Variants in RNPEP observed in about 807,000 individuals in gnomAD.
RNPEP encodes the protein arginyl aminopeptidase.
In RNPEP, 57 loss-of-function variants were observed where a neutral mutation model predicts 70.1. That is an observed-to-expected ratio of 0.81 (90% CI 0.66 to 1.01). The LOEUF is 1.01. Among genes scored for constraint, RNPEP ranks in the 50% least tolerant of loss-of-function variants. The pLI is 0.00. For synonymous variants in RNPEP, 335 were observed against 357.4 expected (o/e 0.94, Z 0.71); for missense variants, 787 against 852.4 (o/e 0.92, Z 0.96).
At chr1:201,999,626 C>T (rs574727777) in intron 5 of RNPEP, among the ~76,000 whole-genome samples, 6 of 152,206 alleles carry the variant, frequency 3.9e-5, no homozygotes, top group African/African-American at 7.2e-5. Context: ...CAGAAAGGTG[C>T]GATTCCCCCA....
At position 201,982,723 on chromosome 1, in the gene RNPEP, C is replaced by A. The variant is rs1280209606; in HGVS notation, c.57C>A (p.Ser19=). 1.4e-6 allele frequency: 2 copies of A among 1,403,058 alleles called. No individual in the cohort carries two copies. Among genetic ancestry groups the A allele is most frequent in the Non-Finnish European group, 1.9e-6 (2 of 1,074,384 alleles). 86.9% of individuals were successfully genotyped at this position (1,403,058 alleles called of 1,614,324 possible). A position where few individuals can be genotyped will look rare whatever the true frequency, so the allele number is the denominator to read the frequency against. ...GSGAARRPLH[S]AQAVDVASAS... is the part of the protein sequence containing the mutation. ...GCGCGGCCCGGCGGCCGCTGCACTC[C>A]GCGCAGGCTGTGGACGTGGCCTCGG... The change falls in exon 1 of 11, where the codon TCC becomes TCA. Residue 19 remains serine, a synonymous_variant. Coordinates refer to ENST00000295640, the MANE Select transcript of RNPEP (RefSeq NM_020216.4).
chr1:201,984,821 CTTTTTTTTTTTTTTTTTTTTT>C (rs200795347), intron 1 of RNPEP, among the ~76,000 whole-genome samples: 5 of 121,998 alleles, frequency 4.1e-5, no homozygotes, highest in African/African-American at 6.5e-5. Context: ...GTATTTCTTT[CTTTTTTTTTTTTTTTTTTTTT>C]TTTTTTTTTT....
At chr1:201,983,917 C>T in intron 1 of RNPEP, 2 of 938,514 alleles carry the variant, frequency 2.1e-6, no homozygotes, top group Non-Finnish European at 2.5e-6. Flanking sequence ...TAGTAAACTG[C>T]TTGCTTACAG....
At chr1:201,983,339 C>T (rs370752271) in intron 1 of RNPEP, 4 of 1,470,026 alleles carry the variant, frequency 2.7e-6, no homozygotes, top group African/African-American at 1.4e-5. Flanking sequence ...AGCCACTGGG[C>T]GGTGCATCCT....
At chr1:201,997,840 T>C (rs1028641841) in intron 5 of RNPEP, among the ~76,000 whole-genome samples, 2 of 151,328 alleles carry the variant, frequency 1.3e-5, no homozygotes, top group Non-Finnish European at 2.9e-5. Context: ...CTCGGCTCAC[T>C]GCAACCTCCA....
intron 6 of RNPEP, chr1:202,000,225 G>A (rs559681874): frequency 4.8e-5 from 23 of 483,428 alleles, no homozygotes; most frequent in African/African-American, 2.7e-4. Flanking sequence ...CAGTCTGTGC[G>A]GTTCGTGATG....
chr1:202,001,256 C>A, intron 6 of RNPEP, 120 bp from the exon 7 acceptor site: 1 of 702,408 alleles, frequency 1.4e-6, no homozygotes, highest in Non-Finnish European at 2.5e-6. Context: ...GCCTTGCTGT[C>A]CCTGGGGAAG....
Position 201,988,472 on chromosome 1 carries a change from A to C in RNPEP, c.448-432A>C, listed in dbSNP as rs796122287. On this transcript the variant is annotated intron_variant, in intron 1 of 10. Coordinates refer to ENST00000295640, the MANE Select transcript of RNPEP (RefSeq NM_020216.4). ...TACTCTGTCTCAAAAAAAAAAAAAA[A>C]AAAAAAAAAAACATATTAATCACTG... 5.2e-4 allele frequency among the ~76,000 whole-genome samples: 75 copies of C among 144,298 alleles called. 3 individuals are homozygous for C. The highest frequency in any genetic ancestry group is 1.5e-3 in the South Asian group (7 of 4,620). The allele number at this position is 144,298 out of a possible 152,430, so 94.7% of individuals were successfully genotyped here.
Position 201,989,383 on chromosome 1 carries a change from G to T in RNPEP, c.589G>T (p.Val197Phe). The T allele has an allele frequency of 1.2e-6, 2 of 1,613,924 alleles. No individual in the cohort carries two copies. Among genetic ancestry groups the T allele is most frequent in the Non-Finnish European group, 1.7e-6 (2 of 1,179,972 alleles). ...TCTCCTAAGCTTTCTCTGTTGTCAG[G>T]TCCCAGATGGCTTCACAGCTGTGAT... ...VKYKYSALIE[V>F]PDGFTAVMSA... The change falls in exon 3 of 11, where the codon GTC (valine) becomes TTC (phenylalanine). Residue 197 changes from valine (V) to phenylalanine (F), a missense_variant and splice_region_variant. Physicochemically the swap from Val to Phe is conservative, Grantham distance 50 (BLOSUM62 -1). Transcript: ENST00000295640.
At chr1:202,002,815 A>G (rs1683882780) in intron 8 of RNPEP, among the ~76,000 whole-genome samples, 1 of 152,148 alleles carries the variant, frequency 6.6e-6, no homozygotes, top group African/African-American at 2.4e-5. Flanking sequence ...CCCCCACTTT[A>G]TAGATAAAAC....
chr1:201,999,088 G>A (rs1683684665), intron 5 of RNPEP, among the ~76,000 whole-genome samples: 1 of 152,084 alleles, frequency 6.6e-6, no homozygotes, highest in Admixed American at 6.6e-5. Flanking sequence ...ATCATGGTGT[G>A]TGCCTGTAGT....
chr1:201,982,931 A>ACGGCGGCGGCG lies in RNPEP; in HGVS notation c.267_277dup (p.Leu93ArgfsTer20). 6.7e-7 allele frequency: 1 copy of ACGGCGGCGGCG among 1,484,740 alleles called. No homozygotes were observed. The highest frequency in any genetic ancestry group is 8.9e-7 in the Non-Finnish European group (1 of 1,121,276). 92.0% of individuals were successfully genotyped at this position (1,484,740 alleles called of 1,614,324 possible). ...GGACTCGCACCCGTGCCTGGAGGTG[A>ACGGCGGCGGCG]CGGCGGCGGCGCTGCGGCGGGAGCG... On this transcript the variant is annotated frameshift_variant, in exon 1 of 11. Transcript: ENST00000295640. LOFTEE classifies it high-confidence loss of function.
At chr1:201,986,654 C>T (rs558964502) in intron 1 of RNPEP, among the ~76,000 whole-genome samples, 11 of 151,898 alleles carry the variant, frequency 7.2e-5, no homozygotes, top group African/African-American at 2.4e-4. Context: ...GATTCTCCTC[C>T]CTCAGCCTCC....
At chr1:201,997,258 G>A in intron 4 of RNPEP, 61 bp from the exon 5 acceptor site, 1 of 1,270,276 alleles carries the variant, frequency 7.9e-7, no homozygotes, top group Non-Finnish European at 1.2e-6. Context: ...GGAAAGGGAG[G>A]CGAGGTAGGG....
In RNPEP at chr1:201,982,672, G is replaced by A. The variant is rs1372935287; in HGVS notation, c.6G>A (p.Ala2=). M[A]SGEHSPGSGA... ...TGAGCAACGGCTCTGCGGCCATGGCGAGCGGCGAGCATTCCCCCGGCAGCG... is the reference window on the plus strand; with the variant it reads ...TGAGCAACGGCTCTGCGGCCATGGCAAGCGGCGAGCATTCCCCCGGCAGCG... The change falls in exon 1 of 11, where the codon GCG becomes GCA. Residue 2 remains alanine (A), a synonymous_variant. Coordinates refer to ENST00000295640, the MANE Select transcript of RNPEP (RefSeq NM_020216.4). The A allele has an allele frequency of 3.6e-6, 5 of 1,372,826 alleles. No individual in the cohort carries two copies. In the East Asian group the frequency reaches 9.5e-5, roughly 26 times the overall value. The allele number at this position is 1,372,826 out of a possible 1,614,324, so 85.0% of individuals were successfully genotyped here.
chr1:202,003,602 T>A (rs947580050), intron 9 of RNPEP, 141 bp downstream of exon 9: 2 of 642,584 alleles, frequency 3.1e-6, no homozygotes, highest in Non-Finnish European at 5.4e-6. Context: ...ACAAGGAATG[T>A]GCCACCGGGA....
chr1:201,986,261 A>T (rs78235203), intron 1 of RNPEP, among the ~76,000 whole-genome samples: 1 of 100,984 alleles, frequency 9.9e-6, no homozygotes, highest in Admixed American at 9.6e-5. Flanking sequence ...TTATTTTTTT[A>T]TTTTTATTTT....
chr1:202,003,943 T>C (rs1437232488), intron 9 of RNPEP, among the ~76,000 whole-genome samples: 1 of 152,188 alleles, frequency 6.6e-6, no homozygotes, highest in Admixed American at 6.5e-5. Flanking sequence ...GTCAACATAA[T>C]ATTCACCAAG....
chr1:202,004,075 C>T (rs781397235), intron 9 of RNPEP, among the ~76,000 whole-genome samples: 4 of 152,114 alleles, frequency 2.6e-5, no homozygotes, highest in Admixed American at 6.6e-5. Context: ...GCTGGAGTGC[C>T]GTGGTGCTAT....
Sources: gnomAD v4.1 joint callset for allele counts (sites outside exome capture counted in the v4.1 genomes callset) on GRCh38, gnomAD v4.1.1 for gene constraint, MANE v1.5 for transcripts, NCBI Gene and HGNC (gene_info 2026-07-23, HGNC 2026-07-21) for gene names.